The following ESYT2 variants were observed in gnomAD, a reference collection of about 807,000 sequenced individuals.
ESYT2 encodes extended synaptotagmin 2.
A neutral mutation model predicts 107.2 loss-of-function variants in ESYT2; 54 were observed. That is an observed-to-expected ratio of 0.50 (90% CI 0.40 to 0.63). ESYT2 has a LOEUF of 0.63. ESYT2 is among the 30% of genes least tolerant of loss of function. The pLI is 0.00. For missense variants in ESYT2, 1,020 were observed against 1,094.5 expected (o/e 0.93, Z 0.96); for synonymous variants, 491 against 434.1 (o/e 1.13, Z -1.63).
intron 1 of ESYT2, among the ~76,000 whole-genome samples, chr7:158,828,787 CG>C (rs1554429427): frequency 6.7e-6 from 1 of 149,726 alleles, no homozygotes; most frequent in Non-Finnish European, 1.5e-5. Flanking sequence ...CTCGCCCTAG[CG>C]GGCAGGTCGC....
intron 16 of ESYT2, among the ~76,000 whole-genome samples, chr7:158,747,894 CA>C (rs1275824383): frequency 6.6e-6 from 1 of 152,170 alleles, no homozygotes; most frequent in African/African-American, 2.4e-5. Context: ...TGGGTATCTG[CA>C]ACAACACAGG....
chr7:158,816,392 A>G (rs1840149670), intron 1 of ESYT2, among the ~76,000 whole-genome samples: 1 of 152,222 alleles, frequency 6.6e-6, no homozygotes, highest in African/African-American at 2.4e-5. Flanking sequence ...GGAGGAACAG[A>G]GATTTGACAA....
chr7:158,820,692 G>A (rs1053385029), intron 1 of ESYT2, among the ~76,000 whole-genome samples: 6 of 152,160 alleles, frequency 3.9e-5, no homozygotes, highest in African/African-American at 1.2e-4. Context: ...AGGCTGAGGC[G>A]GGAGGGGTGA....
In ESYT2 at chr7:158,761,562, C is replaced by T. The variant is rs550026542; in HGVS notation, c.1185-18G>A. ...TCATAAGACTATAAAAATAACAATA[C>T]GACAACTTTAGAACATAGAAACACA... On this transcript the variant is annotated intron_variant, in intron 10 of 22. Coordinates refer to ENST00000275418, the MANE Select transcript of ESYT2 (RefSeq NM_001367773.1). 74 of 1,607,986 alleles carry T rather than the reference C, an allele frequency of 4.6e-5. No individual in the cohort carries two copies. The highest frequency in any genetic ancestry group is 1.7e-4 in the African/African-American group (13 of 74,878).
At chr7:158,765,168 C>T (rs1459512389) in intron 8 of ESYT2, among the ~76,000 whole-genome samples, 2 of 152,018 alleles carry the variant, frequency 1.3e-5, no homozygotes, top group South Asian at 2.1e-4. Context: ...CCCCAGAGCG[C>T]GCTCCTGGCA....
chr7:158,817,974 T>A (rs938785694), intron 1 of ESYT2, among the ~76,000 whole-genome samples: 1 of 152,180 alleles, frequency 6.6e-6, no homozygotes, highest in Non-Finnish European at 1.5e-5. Flanking sequence ...ATCACTGGAT[T>A]TATTTTCTAC....
chr7:158,802,323 G>A (rs898151307), intron 1 of ESYT2, among the ~76,000 whole-genome samples: 3 of 151,670 alleles, frequency 2.0e-5, no homozygotes, highest in East Asian at 1.9e-4. Context: ...GTCTAACTCC[G>A]TCACTCAGGC....
chr7:158,742,629 G>A (rs1837255877), intron 17 of ESYT2, among the ~76,000 whole-genome samples: 1 of 152,192 alleles, frequency 6.6e-6, no homozygotes, highest in East Asian at 1.9e-4. Context: ...GGTTCCCGCA[G>A]GGCCTGGGGT....
In ESYT2 at chr7:158,734,570, C is replaced by G. The variant is rs1056337117; in HGVS notation, c.2506-99G>C. The G allele has an allele frequency of 2.2e-5, 24 of 1,077,166 alleles. No homozygotes were observed. The African/African-American group carries it at 3.5e-4, about 16-fold the overall frequency. The allele number at this position is 1,077,166 out of a possible 1,614,324, so 66.7% of individuals were successfully genotyped here. ...TTGGGAGGCCAAGATGGGAGGATCTCTTAAGCCCAAGAGTTTGAGACCAGC... is the reference window on the plus strand; with the variant it reads ...TTGGGAGGCCAAGATGGGAGGATCTGTTAAGCCCAAGAGTTTGAGACCAGC... On this transcript the variant is annotated intron_variant, in intron 21 of 22. Transcript: ENST00000275418.
intron 6 of ESYT2, among the ~76,000 whole-genome samples, chr7:158,774,205 G>T (rs1838471670): frequency 6.6e-6 from 1 of 152,188 alleles, no homozygotes; most frequent in Admixed American, 6.5e-5. Context: ...TAACAAAACT[G>T]CTTTTTGGTT....
At chr7:158,774,058 T>A (rs1180372548) in intron 6 of ESYT2, among the ~76,000 whole-genome samples, 1 of 152,248 alleles carries the variant, frequency 6.6e-6, no homozygotes, top group Admixed American at 6.5e-5. Flanking sequence ...ATTAAGTAGA[T>A]GTGGGTTGAT....
intron 6 of ESYT2, among the ~76,000 whole-genome samples, chr7:158,784,391 G>T (rs558649707): frequency 1.3e-5 from 2 of 152,192 alleles, no homozygotes; most frequent in Admixed American, 1.3e-4. Context: ...TGGTCCAGGG[G>T]TCGGTATCTG....
In ESYT2 at chr7:158,799,052, T is replaced by C; in HGVS notation, c.351A>G (p.Glu117=). Reference sequence around the variant, plus strand: ...TTACCTTATTTAGCCATTCTGCTCTTTCAGTGTCTGGAAAATGAACCTAGG... The same window carrying C: ...TTACCTTATTTAGCCATTCTGCTCTCTCAGTGTCTGGAAAATGAACCTAGG... ...LPAWVHFPDT[E]RAEWLNKTVK... is the part of the protein sequence containing the mutation. Residue 117 remains glutamate (E), a synonymous_variant, in exon 2 of 23, where the codon GAA becomes GAG. Coordinates refer to ENST00000275418, the MANE Select transcript of ESYT2 (RefSeq NM_001367773.1). The C allele has an allele frequency of 6.2e-7, 1 of 1,613,738 alleles. No individual in the cohort carries two copies. The highest frequency in any genetic ancestry group is 8.5e-7 in the Non-Finnish European group (1 of 1,179,678).
rs373894080 is a variant in ESYT2, at chr7:158,782,990, C to T, written c.747+5014G>A. On this transcript the variant is annotated intron_variant, in intron 6 of 22. Transcript: ENST00000275418. The stretch of plus-strand genomic sequence containing the variant: ...CCGATAAAGGCCTGGCTTTAGAAGG[C>T]GCCTTTGGAAAAGCAACTAAAATCA... Among the ~76,000 whole-genome samples the T allele has an allele frequency of 7.9e-5, 12 of 152,308 alleles. No homozygotes were observed. In the East Asian group the frequency reaches 1.4e-3, roughly 17 times the overall value.
intron 4 of ESYT2, 90 bp downstream of exon 4, chr7:158,793,558 CGT>C: frequency 1.1e-6 from 1 of 876,768 alleles, no homozygotes; most frequent in Admixed American, 2.2e-5. Context: ...GCAGGTAAGA[CGT>C]GTGCTCACTG....
At chr7:158,793,532 C>T (rs945180088) in intron 4 of ESYT2, 118 bp downstream of exon 4, 28 of 734,718 alleles carry the variant, frequency 3.8e-5, no homozygotes, top group African/African-American at 3.4e-4. Context: ...AGAATTTAGT[C>T]GAATTCCAAT....
chr7:158,815,924 C>A (rs1188771843), intron 1 of ESYT2, among the ~76,000 whole-genome samples: 1 of 152,160 alleles, frequency 6.6e-6, no homozygotes, highest in African/African-American at 2.4e-5. Flanking sequence ...TGGAACTAAG[C>A]CTTCCTGGCT....
intron 8 of ESYT2, among the ~76,000 whole-genome samples, chr7:158,767,051 T>C (rs1838189627): frequency 6.6e-6 from 1 of 152,202 alleles, no homozygotes; most frequent in African/African-American, 2.4e-5. Flanking sequence ...ATTTTACAGA[T>C]GACAAAACTG....
chr7:158,739,432 C>T (rs547275070), intron 18 of ESYT2, among the ~76,000 whole-genome samples: 13 of 152,198 alleles, frequency 8.5e-5, no homozygotes, highest in African/African-American at 2.4e-4. Context: ...CTGTAACCTC[C>T]GCCTCCTGGG....
Sources: allele counts gnomAD v4.1 joint callset (sites outside exome capture counted in the v4.1 genomes callset), GRCh38; gene constraint gnomAD v4.1.1; transcripts MANE v1.5; gene names NCBI Gene and HGNC (gene_info 2026-07-23, HGNC 2026-07-21).